The following SPIDR variants were observed in gnomAD, a reference collection of about 807,000 sequenced individuals.
SPIDR encodes DNA repair-scaffolding protein.
Under a neutral mutation model 104.6 loss-of-function variants are expected in SPIDR, and 93 were observed. The observed-to-expected ratio is 0.89, with a 90% CI of 0.75 to 1.06. The LOEUF is 1.06. SPIDR is among the 50% of genes least tolerant of loss of function. SPIDR has a pLI of 0.00. For missense variants in SPIDR, 1,154 were observed against 1,111.2 expected (o/e 1.04, Z -0.55); for synonymous variants, 431 against 416.9 (o/e 1.03, Z -0.41).
chr8:47,329,914 T>C (rs1212905873), intron 5 of SPIDR, among the ~76,000 whole-genome samples: 4 of 152,226 alleles, frequency 2.6e-5, no homozygotes, highest in African/African-American at 4.8e-5. Context: ...CTATATGTTA[T>C]AGGTACAATA....
At chr8:47,468,516 A>G (rs113650832) in intron 8 of SPIDR, among the ~76,000 whole-genome samples, 3,105 of 152,266 alleles carry the variant, frequency 0.02, 65 homozygotes, top group Non-Finnish European at 0.025. Flanking sequence ...ACATAGACCA[A>G]TGGAACAGAA....
chr8:47,685,517 A>ATTTTTTTTTTTTTT (rs370526185), intron 11 of SPIDR, among the ~76,000 whole-genome samples: 8 of 130,168 alleles, frequency 6.1e-5, no homozygotes, highest in Admixed American at 1.6e-4. Context: ...TTATTTATTT[A>ATTTTTTTTTTTTTT]TTTTTTTGAG....
rs6982450 is a variant in SPIDR at position 47,407,740 on chromosome 8, C to T, written c.777-121C>T. ...GGAAGATAATGTGGTAACAAATATA[C>T]GTTAAAATTTTGCATGTTTTATCTG... is the stretch of plus-strand genomic sequence containing the variant. On this transcript the variant is annotated intron_variant, in intron 6 of 19. Coordinates refer to ENST00000297423, the MANE Select transcript of SPIDR (RefSeq NM_001080394.4). The T allele has an allele frequency of 1.4e-3, 699 of 485,378 alleles. 9 individuals are homozygous for T. Among genetic ancestry groups the T allele is most frequent in the African/African-American group, 0.012 (610 of 50,004 alleles). 30.1% of individuals were successfully genotyped at this position (485,378 alleles called of 1,614,324 possible).
chr8:47,403,243 A>G (rs1370423716), intron 6 of SPIDR, among the ~76,000 whole-genome samples: 3 of 152,214 alleles, frequency 2.0e-5, no homozygotes, highest in African/African-American at 7.2e-5. Flanking sequence ...CCCACAGCCA[A>G]TATCATACTG....
rs200412469 is a variant in SPIDR, at chr8:47,595,921, C to T, written c.1208C>T (p.Pro403Leu). ...GAAAAAACTTGTGAAGTGTACTGTC[C>T]GGACATACCCCTTCCAAGAAGAAGC... ...DSEKTCEVYC[P>L]DIPLPRRSIS... The change falls in exon 9 of 20, where the codon CCG becomes CTG. Residue 403 changes from proline to leucine, a missense_variant. Pro to Leu is a moderately conservative substitution (Grantham distance 98). Transcript: ENST00000297423. The T allele has an allele frequency of 2.4e-5, 39 of 1,614,074 alleles. No individual in the cohort carries two copies. The African/African-American group carries it at 3.9e-4, about 16-fold the overall frequency.
At chr8:47,425,854 A>T (rs1171376479) in intron 7 of SPIDR, among the ~76,000 whole-genome samples, 1 of 152,180 alleles carries the variant, frequency 6.6e-6, no homozygotes, top group African/African-American at 2.4e-5. Flanking sequence ...TTATTGAATT[A>T]TCATTTTGTA....
chr8:47,297,982 A>G (rs955729760), intron 5 of SPIDR, among the ~76,000 whole-genome samples: 1 of 152,164 alleles, frequency 6.6e-6, no homozygotes, highest in Non-Finnish European at 1.5e-5. Context: ...CAGTAATGGG[A>G]TGGCTGGGTC....
chr8:47,729,029 G>A lies in SPIDR; in HGVS notation c.2532G>A (p.Gln844=), dbSNP rs2084768559. 6.2e-7 allele frequency: 1 copy of A among 1,614,004 alleles called. No individual in the cohort carries two copies. ...QVFLDCRSRP[Q]CRVKVKLLQR... Reference sequence around the variant, plus strand: ...TCCTGGACTGCCGCTCAAGACCGCAGTGCAGAGTGAAGGTCAAGGTAGGAG... The same window carrying A: ...TCCTGGACTGCCGCTCAAGACCGCAATGCAGAGTGAAGGTCAAGGTAGGAG... Residue 844 remains glutamine (Q), a synonymous_variant, in exon 18 of 20, where the codon CAG becomes CAA. Transcript: ENST00000297423.
chr8:47,377,078 C>T (rs1257889893), intron 5 of SPIDR, among the ~76,000 whole-genome samples: 1 of 152,060 alleles, frequency 6.6e-6, no homozygotes, highest in African/African-American at 2.4e-5. Context: ...GCTTGCTGAC[C>T]CCTGTTCTGG....
At chr8:47,447,870 C>T (rs1381372874) in intron 8 of SPIDR, among the ~76,000 whole-genome samples, 1 of 152,200 alleles carries the variant, frequency 6.6e-6, no homozygotes, top group African/African-American at 2.4e-5. Flanking sequence ...CTGAAGGCTG[C>T]ATTTTTTACC....
chr8:47,585,110 T>A (rs2060127300), intron 8 of SPIDR, among the ~76,000 whole-genome samples: 1 of 152,220 alleles, frequency 6.6e-6, no homozygotes, highest in Admixed American at 6.5e-5. Flanking sequence ...GTATAAGCTT[T>A]ACGTATAATT....
intron 8 of SPIDR, among the ~76,000 whole-genome samples, chr8:47,551,542 T>A (rs1031837350): frequency 6.6e-6 from 1 of 152,204 alleles, no homozygotes; most frequent in Non-Finnish European, 1.5e-5. Context: ...TTCTAGATTT[T>A]CTAGTTTATT....
chr8:47,576,397 C>T (rs531909505), intron 8 of SPIDR, among the ~76,000 whole-genome samples: 6 of 152,342 alleles, frequency 3.9e-5, no homozygotes, highest in South Asian at 2.1e-4. Context: ...GTGATCCGTC[C>T]GCCTTGGCCT....
chr8:47,261,127 G>A, intron 1 of SPIDR, 136 bp downstream of exon 1: 1 of 1,044,244 alleles, frequency 9.6e-7, no homozygotes, highest in Non-Finnish European at 1.2e-6. Context: ...GTGGTGGCGG[G>A]TCCCGTCTGC....
chr8:47,353,706 AGATT>A (rs1248154444), intron 5 of SPIDR, among the ~76,000 whole-genome samples: 7 of 93,860 alleles, frequency 7.5e-5, no homozygotes, highest in Admixed American at 2.9e-4. Context: ...ATCTATACTG[AGATT>A]TTTTTTTTTT....
chr8:47,373,926 A>T (rs1345362643), intron 5 of SPIDR, among the ~76,000 whole-genome samples: 1 of 152,228 alleles, frequency 6.6e-6, no homozygotes, highest in African/African-American at 2.4e-5. Context: ...TTAAAGTGCT[A>T]CATACAGTCA....
intron 10 of SPIDR, among the ~76,000 whole-genome samples, chr8:47,635,908 G>A (rs551243942): frequency 6.6e-6 from 1 of 152,292 alleles, no homozygotes; most frequent in South Asian, 2.1e-4. Flanking sequence ...CACCCACAAA[G>A]GTAACTATTT....
At chr8:47,280,481 C>T (rs1398616617) in intron 2 of SPIDR, among the ~76,000 whole-genome samples, 3 of 151,836 alleles carry the variant, frequency 2.0e-5, no homozygotes, top group African/African-American at 7.3e-5. Context: ...CAACCTCCGC[C>T]TCCCGGGTTC....
chr8:47,270,007 C>A (rs113946755), intron 1 of SPIDR, among the ~76,000 whole-genome samples: 4,707 of 152,134 alleles, frequency 0.031, 206 homozygotes, highest in African/African-American at 0.1. Flanking sequence ...AAAAATCTCT[C>A]TTGGTTATGG....
Sources: allele counts gnomAD v4.1 joint callset (sites outside exome capture counted in the v4.1 genomes callset), GRCh38; gene constraint gnomAD v4.1.1; transcripts MANE v1.5; gene names NCBI Gene and HGNC (gene_info 2026-07-23, HGNC 2026-07-21).